Variants in ROBO2 observed in about 807,000 individuals in gnomAD.
ROBO2 encodes roundabout homolog 2.
Under a neutral mutation model 160.8 loss-of-function variants are expected in ROBO2, and 53 were observed. The ratio of observed to expected loss-of-function variants is 0.33; its 90% CI spans 0.26 to 0.41. ROBO2 has a LOEUF of 0.41. ROBO2 is among the 10% of genes least tolerant of loss of function. The pLI is 1.00. For synonymous variants in ROBO2, 664 were observed against 611.7 expected (o/e 1.09, Z -1.26); for missense variants, 1,577 against 1,722.4 (o/e 0.92, Z 1.49).
chr3:76,316,617 A>C (rs908804826), intron 2 of ROBO2, among the ~76,000 whole-genome samples: 3 of 152,194 alleles, frequency 2.0e-5, no homozygotes. Flanking sequence ...GGTGACATAC[A>C]TTCGCAGCTC....
chr3:76,972,093 T>G (rs1480419809), intron 2 of ROBO2, among the ~76,000 whole-genome samples: 1 of 152,206 alleles, frequency 6.6e-6, no homozygotes, highest in Non-Finnish European at 1.5e-5. Context: ...CACAAGTCCC[T>G]TGAGAATTAC....
chr3:77,148,138 A>G (rs1443069402), intron 2 of ROBO2, among the ~76,000 whole-genome samples: 7 of 152,234 alleles, frequency 4.6e-5, no homozygotes, highest in Non-Finnish European at 1.0e-4. Context: ...AGATGGCTGA[A>G]TTGGTAAATT....
intron 2 of ROBO2, among the ~76,000 whole-genome samples, chr3:77,006,305 T>TTGTGTGTA (rs2061574737): frequency 7.0e-6 from 1 of 143,876 alleles, no homozygotes; most frequent in South Asian, 2.3e-4. Context: ...ATTTTAATAT[T>TTGTGTGTA]TGTGTGTGTG....
At chr3:76,077,620 A>T (rs766084344) in intron 2 of ROBO2, among the ~76,000 whole-genome samples, 10 of 152,114 alleles carry the variant, frequency 6.6e-5, no homozygotes, top group Non-Finnish European at 1.5e-4. Flanking sequence ...CAATATAAAG[A>T]TTCTTCTTGA....
chr3:77,528,841 G>T (rs1343121471), intron 6 of ROBO2, among the ~76,000 whole-genome samples: 1 of 151,628 alleles, frequency 6.6e-6, no homozygotes, highest in African/African-American at 2.4e-5. Flanking sequence ...ATTGTGGTTT[G>T]TACAATTGAT....
chr3:76,243,987 T>A lies in ROBO2; in HGVS notation c.109+306385T>A, dbSNP rs190582619. On this transcript the variant is annotated intron_variant, in intron 2 of 26. Coordinates refer to the ROBO2 transcript ENST00000487694. Reference sequence around the variant, plus strand: ...GGAGGAGCTGGAGGACAAATTTGATTCTATTGTCAGAATATGGTTAACAGT... The same window carrying A: ...GGAGGAGCTGGAGGACAAATTTGATACTATTGTCAGAATATGGTTAACAGT... 6.7e-3 allele frequency among the ~76,000 whole-genome samples: 1,016 copies of A among 152,252 alleles called. 6 individuals are homozygous for A. The highest frequency in any genetic ancestry group is 0.012 in the Non-Finnish European group (819 of 68,002).
At chr3:76,840,351 T>C (rs2068104807) in intron 2 of ROBO2, among the ~76,000 whole-genome samples, 1 of 151,910 alleles carries the variant, frequency 6.6e-6, no homozygotes, top group Non-Finnish European at 1.5e-5. Flanking sequence ...AGCTCATACC[T>C]GTAATCCCAG....
chr3:76,315,511 C>T (rs1280998974), intron 2 of ROBO2, among the ~76,000 whole-genome samples: 1 of 152,122 alleles, frequency 6.6e-6, no homozygotes, highest in Admixed American at 6.5e-5. Context: ...TTTAGAGTGG[C>T]AATTTCAATT....
intron 2 of ROBO2, among the ~76,000 whole-genome samples, chr3:76,335,185 T>G (rs1041545005): frequency 0.014 from 2,015 of 140,318 alleles, 49 homozygotes; most frequent in African/African-American, 0.05. Flanking sequence ...TTTGTTTTTT[T>G]TTTTTTTTTT....
intron 2 of ROBO2, among the ~76,000 whole-genome samples, chr3:76,260,185 G>T (rs975729474): frequency 6.6e-6 from 1 of 152,124 alleles, no homozygotes; most frequent in Non-Finnish European, 1.5e-5. Flanking sequence ...CGGAATCCCA[G>T]TGCTGATATG....
chr3:76,530,714 T>C (rs561995760), intron 2 of ROBO2, among the ~76,000 whole-genome samples: 3 of 152,296 alleles, frequency 2.0e-5, no homozygotes, highest in East Asian at 1.9e-4. Context: ...TCCAGTGAAA[T>C]GTGTGCACAA....
chr3:77,175,469 C>G (rs915134416), intron 2 of ROBO2, among the ~76,000 whole-genome samples: 7 of 152,044 alleles, frequency 4.6e-5, no homozygotes, highest in South Asian at 4.2e-4. Flanking sequence ...TTAATTGGCA[C>G]ACGATGAGGA....
chr3:77,482,436 T>G (rs1289432450), intron 4 of ROBO2, among the ~76,000 whole-genome samples: 1 of 152,124 alleles, frequency 6.6e-6, no homozygotes, highest in African/African-American at 2.4e-5. Context: ...GAGTTAAGAT[T>G]GTGCTTTGTG....
intron 2 of ROBO2, among the ~76,000 whole-genome samples, chr3:77,101,366 G>T (rs1194852651): frequency 6.6e-6 from 1 of 152,164 alleles, no homozygotes; most frequent in Non-Finnish European, 1.5e-5. Flanking sequence ...TGAGGGGCAG[G>T]TACAGGAGAA....
chr3:77,518,950 C>A (rs988957585), intron 5 of ROBO2, among the ~76,000 whole-genome samples: 1 of 151,506 alleles, frequency 6.6e-6, no homozygotes, highest in African/African-American at 2.4e-5. Context: ...TGGCCCATGT[C>A]ACCAGACTAT....
intron 2 of ROBO2, among the ~76,000 whole-genome samples, chr3:77,217,205 C>T (rs539113412): frequency 2.0e-5 from 3 of 151,658 alleles, no homozygotes; most frequent in African/African-American, 4.8e-5. Flanking sequence ...TGCAGTGGTG[C>T]GATCTCAGCT....
intron 2 of ROBO2, among the ~76,000 whole-genome samples, chr3:77,226,296 C>CT (rs142177538): frequency 2.6e-4 from 39 of 147,262 alleles, no homozygotes; most frequent in African/African-American, 4.0e-4. Flanking sequence ...TATTTATGTC[C>CT]TTTTTTTTTT....
chr3:76,118,203 A>T (rs909007227), intron 2 of ROBO2, among the ~76,000 whole-genome samples: 6 of 152,284 alleles, frequency 3.9e-5, no homozygotes. Context: ...AACTGACCAC[A>T]TTATTCTTCA....
At chr3:75,909,562 T>C (rs1433180989) in intron 1 of ROBO2, among the ~76,000 whole-genome samples, 1 of 152,214 alleles carries the variant, frequency 6.6e-6, no homozygotes, top group Non-Finnish European at 1.5e-5. Context: ...TAATTAGTTT[T>C]ATGGCTCTTG....
Sources: gnomAD v4.1 joint callset for allele counts (sites outside exome capture counted in the v4.1 genomes callset) on GRCh38, gnomAD v4.1.1 for gene constraint, MANE v1.5 for transcripts, NCBI Gene and HGNC (gene_info 2026-07-23, HGNC 2026-07-21) for gene names.